PIEZO2: variants seen among roughly 807,000 people sequenced by gnomAD.
PIEZO2 encodes the protein piezo type mechanosensitive ion channel component 2, also known as piezo-type mechanosensitive ion channel component 2.
Under a neutral mutation model 337.3 loss-of-function variants are expected in PIEZO2, and 172 were observed. That is an observed-to-expected ratio of 0.51 (90% CI 0.45 to 0.58). PIEZO2 has a LOEUF of 0.58. Ranked by LOEUF, PIEZO2 falls within the 20% of genes least tolerant of loss-of-function variation. The pLI is 0.00. For synonymous variants in PIEZO2, 1,251 were observed against 1,228.5 expected (o/e 1.02, Z -0.38); for missense variants, 3,028 against 3,391.3 (o/e 0.89, Z 2.66).
Position 10,830,521 on chromosome 18 carries a change from C to T in PIEZO2, c.918-23247G>A, listed in dbSNP as rs371113764. On this transcript the variant is annotated intron_variant, in intron 7 of 55. Coordinates refer to ENST00000674853, the MANE Select transcript of PIEZO2 (RefSeq NM_001378183.1). The surrounding 1 kb of genome is among the most constrained non-coding windows in gnomAD (Gnocchi z 4.7). ...ACCTCTATTTCTCTCCATTTACAAA[C>T]ATCAAATCAAAATGGATTAAAGACT... Among the ~76,000 whole-genome samples the T allele has an allele frequency of 2.2e-4, 34 of 151,984 alleles. No homozygotes were observed. In the East Asian group the frequency reaches 5.4e-3, roughly 24 times the overall value.
At chr18:11,050,601 C>G (rs28451950) in intron 2 of PIEZO2, among the ~76,000 whole-genome samples, 8,845 of 151,748 alleles carry the variant, frequency 0.058, 356 homozygotes, top group African/African-American at 0.11. Flanking sequence ...AAAGTAGAAC[C>G]CTTGTCCAGA....
At chr18:10,989,909 C>A (rs138795618) in intron 2 of PIEZO2, among the ~76,000 whole-genome samples, 184 of 152,180 alleles carry the variant, frequency 1.2e-3, no homozygotes, top group African/African-American at 4.3e-3. Context: ...CTTAAGTATG[C>A]CTAATTCTCC....
At chr18:10,805,848 G>A (rs534578659) in intron 8 of PIEZO2, among the ~76,000 whole-genome samples, 2 of 152,358 alleles carry the variant, frequency 1.3e-5, no homozygotes, top group East Asian at 3.9e-4. Context: ...CACATAGGAG[G>A]AAGACAGCAC....
intron 7 of PIEZO2, among the ~76,000 whole-genome samples, chr18:10,842,465 C>A (rs1465444379): frequency 6.6e-6 from 1 of 152,076 alleles, no homozygotes. Flanking sequence ...GCCTCGAGAG[C>A]CAGTTGTTAA....
In PIEZO2 at chr18:11,016,098, AC is replaced by A. The variant is rs1410814838; in HGVS notation, c.161-36439del. On this transcript the variant is annotated intron_variant, in intron 2 of 55. Coordinates refer to ENST00000674853, the MANE Select transcript of PIEZO2 (RefSeq NM_001378183.1). This position sits in a 1 kb window ranked among gnomAD's most constrained non-coding sequence, Gnocchi z 5.6. Reference sequence around the variant, plus strand: ...TTCTCCATTGCTCCTGTAGACCCAAACCAACAACAGCAGGACCTCTTATTAA... The same window carrying A: ...TTCTCCATTGCTCCTGTAGACCCAAACAACAACAGCAGGACCTCTTATTAA... Among the ~76,000 whole-genome samples the A allele has an allele frequency of 3.3e-5, 5 of 152,066 alleles. No individual in the cohort carries two copies. Among genetic ancestry groups the A allele is most frequent in the Non-Finnish European group, 7.4e-5 (5 of 68,014 alleles).
chr18:10,698,835 TA>T, intron 44 of PIEZO2, 89 bp downstream of exon 44: 1 of 1,456,768 alleles, frequency 6.9e-7, no homozygotes, highest in Non-Finnish European at 9.1e-7. Flanking sequence ...TAGCACCCAA[TA>T]CACTCCCTTG....
At chr18:11,073,087 T>C (rs1395384329) in intron 1 of PIEZO2, among the ~76,000 whole-genome samples, 1 of 152,216 alleles carries the variant, frequency 6.6e-6, no homozygotes, top group Non-Finnish European at 1.5e-5. Flanking sequence ...TATGATTAAC[T>C]TCGGAGGCGG....
rs1460499644 is a variant in PIEZO2, at chr18:10,676,094, G to A, written c.8082-806C>T. On this transcript the variant is annotated intron_variant, in intron 53 of 55. Transcript: ENST00000674853. This position sits in a 1 kb window ranked among gnomAD's most constrained non-coding sequence, Gnocchi z 5.1. ...TGAATTGATCTAGAGGGGAGTGAGA[G>A]GTGAAGAGAGATGGTGGCCTGGACC... is the stretch of plus-strand genomic sequence containing the variant. Among the ~76,000 whole-genome samples, 2 of 152,190 alleles carry A rather than the reference G, an allele frequency of 1.3e-5. No individual in the cohort carries two copies. The highest frequency in any genetic ancestry group is 1.9e-4 in the East Asian group (1 of 5,204).
intron 7 of PIEZO2, among the ~76,000 whole-genome samples, chr18:10,841,679 A>T (rs2041197253): frequency 6.6e-6 from 1 of 152,224 alleles, no homozygotes; most frequent in Non-Finnish European, 1.5e-5. Context: ...TAGAAATGCT[A>T]ATGGGACTCC....
chr18:10,764,787 A>C (rs899236254), intron 21 of PIEZO2, among the ~76,000 whole-genome samples: 6 of 152,180 alleles, frequency 3.9e-5, no homozygotes, highest in Non-Finnish European at 8.8e-5. Flanking sequence ...TTGAAGATGA[A>C]AGAAATACTG....
rs1478249274 is a variant in PIEZO2, at chr18:10,795,353, T to C, written c.1528-351A>G. Among the ~76,000 whole-genome samples, 2,320 of 27,374 alleles carry C rather than the reference T, an allele frequency of 0.085. 129 individuals carry two copies. Among genetic ancestry groups the C allele is most frequent in the African/African-American group, 0.2 (2,186 of 10,984 alleles). 18.0% of individuals were successfully genotyped at this position (27,374 alleles called of 152,430 possible). On this transcript the variant is annotated intron_variant, in intron 12 of 55. Transcript: ENST00000674853. The surrounding 1 kb of genome is among the most constrained non-coding windows in gnomAD (Gnocchi z 4.4). ...TTTATTTTATTTTATTTTATTTTAT[T>C]ATTTTATTTTATTTTATTTTATTTT...
chr18:10,767,528 C>T lies in PIEZO2; in HGVS notation c.2946+2620G>A, dbSNP rs1242465666. On this transcript the variant is annotated intron_variant, in intron 21 of 55. Transcript: ENST00000674853. This position sits in a 1 kb window ranked among gnomAD's most constrained non-coding sequence, Gnocchi z 4.2. ...GCAGGTGGGGATGCAGGGAGGAGAACGTCCTCTGCGCGCAGCCCGAGTGAG... is the reference window on the plus strand; with the variant it reads ...GCAGGTGGGGATGCAGGGAGGAGAATGTCCTCTGCGCGCAGCCCGAGTGAG... 6.6e-6 allele frequency among the ~76,000 whole-genome samples: 1 copy of T among 152,114 alleles called. No individual in the cohort carries two copies. Among genetic ancestry groups the T allele is most frequent in the Non-Finnish European group, 1.5e-5 (1 of 68,020 alleles).
At chr18:10,799,646 G>A (rs1178455072) in intron 11 of PIEZO2, among the ~76,000 whole-genome samples, 4 of 152,032 alleles carry the variant, frequency 2.6e-5, no homozygotes, top group African/African-American at 4.8e-5. Context: ...AGACAACCTC[G>A]TTTTTTAAAA....
chr18:11,142,672 T>C (rs1466314341), intron 1 of PIEZO2, among the ~76,000 whole-genome samples: 2 of 150,082 alleles, frequency 1.3e-5, no homozygotes, highest in Non-Finnish European at 2.9e-5. Context: ...TCCCAGCTAC[T>C]CCGGAGGCTG....
At chr18:11,147,828 G>T (rs73402505) in intron 1 of PIEZO2, among the ~76,000 whole-genome samples, 4,437 of 152,322 alleles carry the variant, frequency 0.029, 213 homozygotes, top group African/African-American at 0.1. Context: ...GGTCCTCCCT[G>T]GGCCCTTGCC....
chr18:10,783,148 T>A lies in PIEZO2; in HGVS notation c.2492+1636A>T, dbSNP rs1488997960. On this transcript the variant is annotated intron_variant, in intron 17 of 55. Coordinates refer to ENST00000674853, the MANE Select transcript of PIEZO2 (RefSeq NM_001378183.1). This position sits in a 1 kb window ranked among gnomAD's most constrained non-coding sequence, Gnocchi z 4.3. Reference sequence around the variant, plus strand: ...AATGGCATTTGGAAGAAAAAAAAGATTTTTTTTTAAAAAAGATTTCACTAG... The same window carrying A: ...AATGGCATTTGGAAGAAAAAAAAGAATTTTTTTTAAAAAAGATTTCACTAG... 1.3e-5 allele frequency among the ~76,000 whole-genome samples: 2 copies of A among 151,492 alleles called. No homozygotes were observed. The highest frequency in any genetic ancestry group is 2.9e-5 in the Non-Finnish European group (2 of 67,820).
At position 10,759,469 on chromosome 18, in the gene PIEZO2, T is replaced by C. The variant is rs73389079; in HGVS notation, c.3757+13A>G. The C allele has an allele frequency of 8.4e-4, 1,290 of 1,531,356 alleles. 5 individuals carry two copies. In the African/African-American group the frequency reaches 0.012, roughly 14 times the overall value. The allele number at this position is 1,531,356 out of a possible 1,614,324, so 94.9% of individuals were successfully genotyped here. ...ATACCAGCACTCTGTGGCCCTGCAG[T>C]GGAAACACTTACAGACGAGAAACAC... On this transcript the variant is annotated intron_variant, in intron 26 of 55. Transcript: ENST00000674853. This position sits in a 1 kb window ranked among gnomAD's most constrained non-coding sequence, Gnocchi z 5.5.
intron 27 of PIEZO2, among the ~76,000 whole-genome samples, chr18:10,754,024 G>C (rs1299543329): frequency 2.0e-5 from 3 of 152,148 alleles, no homozygotes; most frequent in African/African-American, 7.2e-5. Context: ...GAATTGGGCT[G>C]CTAGCATTTT....
chr18:10,983,726 C>T (rs1404867545), intron 2 of PIEZO2, among the ~76,000 whole-genome samples: 4 of 152,120 alleles, frequency 2.6e-5, no homozygotes, highest in Non-Finnish European at 4.4e-5. Flanking sequence ...CCCTGTGCCA[C>T]CCTTTCCTAT....
Sources: gnomAD v4.1 joint callset for allele counts (sites outside exome capture counted in the v4.1 genomes callset) on GRCh38, gnomAD v4.1.1 for gene constraint, Gnocchi (gnomAD v3.1) non-coding constraint, MANE v1.5 for transcripts, NCBI Gene and HGNC (gene_info 2026-07-23, HGNC 2026-07-21) for gene names.